The following ABCC11 variants were observed in gnomAD, a reference collection of about 807,000 sequenced individuals.
ABCC11 encodes the protein ATP binding cassette subfamily C member 11.
A neutral mutation model predicts 149.3 loss-of-function variants in ABCC11; 135 were observed. The observed-to-expected ratio is 0.90, with a 90% confidence interval of 0.79 to 1.04. ABCC11 has a LOEUF of 1.04. ABCC11 is among the 50% of genes least tolerant of loss of function. The probability of loss-of-function intolerance (pLI) is 0.00; values close to 1 mark genes in which losing one functional copy is unlikely to be tolerated. For missense variants in ABCC11, 1,680 were observed against 1,722.1 expected, an observed-to-expected ratio of 0.98 and a Z score of 0.43; for synonymous variants, 665 against 671.4, an observed-to-expected ratio of 0.99 and a Z score of 0.15.
In ABCC11 at chr16:48,242,491, T is replaced by A. The variant is rs181651613; in HGVS notation, c.-19+4823A>T. Among the ~76,000 whole-genome samples the A allele has an allele frequency of 2.3e-3, 352 of 152,284 alleles. 2 individuals are homozygous for A. Among genetic ancestry groups the A allele is most frequent in the African/African-American group, 7.8e-3 (324 of 41,536 alleles). The stretch of plus-strand genomic sequence containing the variant: ...ACCATTGTGGAAGACAGTGTGGCAA[T>A]TCCTCAAGGATCTGGAACTAGAAAT... On this transcript the variant is annotated intron_variant, in intron 1 of 29. Transcript: ENST00000356608.
At chr16:48,193,746 C>G in intron 19 of ABCC11, 133 bp downstream of exon 19, 1 of 716,350 alleles carries the variant, frequency 1.4e-6, no homozygotes, top group Non-Finnish European at 2.2e-6. Context: ...ACGGTTCTCT[C>G]TGGAACACCA....
intron 23 of ABCC11, among the ~76,000 whole-genome samples, chr16:48,181,807 A>T (rs1250085281): frequency 6.6e-6 from 1 of 152,010 alleles, no homozygotes. Context: ...TAGAGGTGGG[A>T]TTTCACCATG....
Position 48,192,424 on chromosome 16 carries a change from A to C in ABCC11, c.2706+96T>G, listed in dbSNP as rs1967003413. 4.0e-5 allele frequency: 53 copies of C among 1,312,266 alleles called. 1 individual carries two copies. In the South Asian group the frequency reaches 5.8e-4, roughly 14 times the overall value. The allele number at this position is 1,312,266 out of a possible 1,614,324, so 81.3% of individuals were successfully genotyped here. ...GTGCCACTGCACTCCAGCCTGGGCT[A>C]CAGAGCTCTAAAAAATAAAAAAATA... On this transcript the variant is annotated intron_variant, in intron 20 of 29. Transcript: ENST00000356608.
chr16:48,197,396 A>C (rs2150806261), intron 17 of ABCC11, among the ~76,000 whole-genome samples: 1 of 152,086 alleles, frequency 6.6e-6, no homozygotes, highest in South Asian at 2.1e-4. Context: ...CCTATATATG[A>C]CCTCATCTAA....
chr16:48,222,615 G>A lies in ABCC11; in HGVS notation c.760C>T (p.His254Tyr), dbSNP rs1365120687. ...CTGCTTACCTCTCCTGAGGTGATGT[G>A]TATTACAGACTTAAATTGGATGAGC... ...EKLIQFKSVI[H>Y]ITSGEAISFF... The change falls in exon 6 of 30, where the codon CAC becomes TAC. Residue 254 changes from histidine to tyrosine, a missense_variant. By Grantham distance (83) the His-to-Tyr change is moderately conservative. Coordinates refer to ENST00000356608, the MANE Select transcript of ABCC11 (RefSeq NM_001370497.1). 6.2e-7 allele frequency: 1 copy of A among 1,614,096 alleles called. No individual in the cohort carries two copies. Among genetic ancestry groups the A allele is most frequent in the Admixed American group, 1.7e-5 (1 of 60,028 alleles).
intron 23 of ABCC11, among the ~76,000 whole-genome samples, chr16:48,179,436 G>C (rs926973385): frequency 6.6e-6 from 1 of 152,194 alleles, no homozygotes; most frequent in African/African-American, 2.4e-5. Flanking sequence ...GCTGGGCTTG[G>C]GGCCCCGGTC....
intron 1 of ABCC11, chr16:48,244,719 G>C: frequency 6.8e-6 from 6 of 886,974 alleles, no homozygotes; most frequent in East Asian, 3.4e-5. Flanking sequence ...GGCTCAGTTC[G>C]GGGCGGCCTT....
chr16:48,210,734 TA>T (rs1968847271), intron 11 of ABCC11: 1 of 700,206 alleles, frequency 1.4e-6, no homozygotes, highest in Non-Finnish European at 2.3e-6. Flanking sequence ...GGGTCTTACC[TA>T]AGCCAAAAAA....
At chr16:48,229,878 T>C (rs1970320137) in intron 3 of ABCC11, among the ~76,000 whole-genome samples, 1 of 152,216 alleles carries the variant, frequency 6.6e-6, no homozygotes, top group Non-Finnish European at 1.5e-5. Flanking sequence ...GGCCTCCTTC[T>C]TTCTCAGTTC....
intron 11 of ABCC11, chr16:48,209,463 CA>C (rs1191029411): frequency 6.6e-6 from 1 of 152,262 alleles, no homozygotes; most frequent in African/African-American, 2.4e-5. Flanking sequence ...AAGGAGTGTG[CA>C]ACCTGGATCC....
chr16:48,221,827 G>C (rs558238501), intron 6 of ABCC11, among the ~76,000 whole-genome samples: 1 of 152,052 alleles, frequency 6.6e-6, no homozygotes, highest in Non-Finnish European at 1.5e-5. Flanking sequence ...CTGCAGCCTT[G>C]AACTCTTGGG....
intron 27 of ABCC11, among the ~76,000 whole-genome samples, chr16:48,170,665 T>C (rs572305517): frequency 6.6e-6 from 1 of 152,204 alleles, no homozygotes; most frequent in East Asian, 1.9e-4. Context: ...ATCTGCCTTG[T>C]CTTTGCTGTG....
At position 48,214,991 on chromosome 16, in the gene ABCC11, C is replaced by G; in HGVS notation, c.1138G>C (p.Gly380Arg). The G allele has an allele frequency of 6.2e-7, 1 of 1,614,088 alleles. No homozygotes were observed. The highest frequency in any genetic ancestry group is 8.5e-7 in the Non-Finnish European group (1 of 1,180,012). ...RKERKLLEKC[G>R]LVQSLTSITL... is the part of the protein sequence containing the mutation. ...ATACTTGTCAGGCTCTGGACAAGCC[C>G]GCACTTCTCCAATAGTTTCCTTTCC... The change falls in exon 9 of 30, where the codon GGG becomes CGG. Residue 380 changes from glycine (G) to arginine (R), a missense_variant. Transcript: ENST00000356608.
intron 1 of ABCC11, among the ~76,000 whole-genome samples, chr16:48,242,597 G>A (rs185443269): frequency 6.6e-4 from 100 of 152,238 alleles, no homozygotes; most frequent in Admixed American, 2.2e-3. Context: ...ACACACACAC[G>A]TATGCTTACT....
intron 26 of ABCC11, among the ~76,000 whole-genome samples, chr16:48,172,427 CT>C (rs566472502): frequency 0.041 from 5,625 of 137,370 alleles, 236 homozygotes; most frequent in African/African-American, 0.12. Flanking sequence ...CTATGTTTAA[CT>C]TTTTTTTTTT....
intron 3 of ABCC11, among the ~76,000 whole-genome samples, chr16:48,228,762 T>G (rs1419901265): frequency 6.6e-6 from 1 of 152,178 alleles, no homozygotes; most frequent in Admixed American, 6.5e-5. Flanking sequence ...CCTCAAGGCT[T>G]TAATTCTTCT....
At chr16:48,210,789 C>T (rs1326563112) in intron 11 of ABCC11, 159 bp downstream of exon 11, 5 of 1,037,748 alleles carry the variant, frequency 4.8e-6, no homozygotes, top group Non-Finnish European at 6.8e-6. Context: ...TGAACGATAT[C>T]CTGTGTTTGC....
intron 7 of ABCC11, among the ~76,000 whole-genome samples, chr16:48,215,804 A>G (rs748262601): frequency 2.0e-5 from 3 of 152,258 alleles, no homozygotes; most frequent in African/African-American, 7.2e-5. Flanking sequence ...TTACATCAGC[A>G]CATTCTGGGG....
intron 18 of ABCC11, among the ~76,000 whole-genome samples, chr16:48,194,869 G>T (rs565423405): frequency 5.3e-5 from 8 of 152,172 alleles, no homozygotes; most frequent in Non-Finnish European, 1.2e-4. Flanking sequence ...AAACTACCCA[G>T]TCTAATATAT....
Sources: allele counts gnomAD v4.1 joint callset (sites outside exome capture counted in the v4.1 genomes callset), GRCh38; gene constraint gnomAD v4.1.1; transcripts MANE v1.5; gene names NCBI Gene and HGNC (gene_info 2026-07-23, HGNC 2026-07-21).